CCDC60: variants seen among roughly 807,000 people sequenced by gnomAD.
The protein encoded by CCDC60 is coiled-coil domain containing 60.
A neutral mutation model predicts 63.5 loss-of-function variants in CCDC60; 54 were observed. That is an observed-to-expected ratio of 0.85 (90% CI 0.68 to 1.07). The LOEUF is 1.07. CCDC60 is among the 50% of genes least tolerant of loss of function. The probability of loss-of-function intolerance (pLI) is 0.00; values close to 1 mark genes in which losing one functional copy is unlikely to be tolerated. For synonymous variants in CCDC60, 206 were observed against 238.8 expected, an observed-to-expected ratio of 0.86 and a Z score of 1.27; for missense variants, 651 against 684.3, an observed-to-expected ratio of 0.95 and a Z score of 0.54.
intron 8 of CCDC60, 37 bp downstream of exon 8, chr12:119,516,744 G>A (rs1180771663): frequency 3.6e-6 from 5 of 1,399,500 alleles, no homozygotes; most frequent in Non-Finnish European, 5.1e-6. Context: ...ATAAAGCTTA[G>A]AATAATAGCA....
At chr12:119,363,635 C>T (rs1356062511) in intron 1 of CCDC60, among the ~76,000 whole-genome samples, 1 of 152,142 alleles carries the variant, frequency 6.6e-6, no homozygotes, top group Non-Finnish European at 1.5e-5. Flanking sequence ...GGCATTCATA[C>T]ATTTGCTCCA....
chr12:119,398,043 C>CGGGG (rs1168299376), intron 1 of CCDC60, among the ~76,000 whole-genome samples: 5 of 26,716 alleles, frequency 1.9e-4, no homozygotes, highest in South Asian at 2.4e-3. Flanking sequence ...GAAGGGGCAG[C>CGGGG]GGGGGGGGAG....
At chr12:119,433,591 C>G in intron 2 of CCDC60, 1 of 702,388 alleles carries the variant, frequency 1.4e-6, no homozygotes, top group Non-Finnish European at 2.6e-6. Context: ...CACAAACTCC[C>G]TGACCCCATA....
intron 1 of CCDC60, among the ~76,000 whole-genome samples, chr12:119,350,374 A>AT: frequency 6.6e-6 from 1 of 151,716 alleles, no homozygotes; most frequent in African/African-American, 2.4e-5. Flanking sequence ...ATTTTTTTGT[A>AT]TTTTTAGTAG....
chr12:119,470,573 C>G (rs1236359529), intron 2 of CCDC60, among the ~76,000 whole-genome samples: 10 of 152,220 alleles, frequency 6.6e-5, no homozygotes, highest in Non-Finnish European at 8.8e-5. Flanking sequence ...AACACCTTAG[C>G]TCGTCTTAGC....
intron 1 of CCDC60, among the ~76,000 whole-genome samples, chr12:119,355,543 G>A (rs1473092891): frequency 3.3e-5 from 5 of 152,210 alleles, no homozygotes; most frequent in East Asian, 1.9e-4. Flanking sequence ...CAGGGCAGAC[G>A]AGCCTCAAAA....
chr12:119,418,935 G>A (rs1271312186), intron 1 of CCDC60, among the ~76,000 whole-genome samples: 2 of 152,222 alleles, frequency 1.3e-5, no homozygotes, highest in Non-Finnish European at 2.9e-5. Context: ...GAAAGAACTT[G>A]CCAGCAGGCG....
intron 2 of CCDC60, among the ~76,000 whole-genome samples, chr12:119,437,996 C>T (rs1950360460): frequency 6.6e-6 from 1 of 152,158 alleles, no homozygotes; most frequent in Admixed American, 6.5e-5. Flanking sequence ...GTTCTTAGCC[C>T]AGAACTGGTA....
intron 1 of CCDC60, among the ~76,000 whole-genome samples, chr12:119,390,425 T>TCC (rs1956136332): frequency 1.3e-5 from 2 of 152,220 alleles, no homozygotes; most frequent in African/African-American, 4.8e-5. Context: ...CACCATTCTA[T>TCC]ACATCACATC....
intron 1 of CCDC60, among the ~76,000 whole-genome samples, chr12:119,399,028 T>C (rs1358823000): frequency 6.6e-6 from 1 of 152,130 alleles, no homozygotes; most frequent in Non-Finnish European, 1.5e-5. Flanking sequence ...AGTCACACAG[T>C]GATGACAGTG....
In CCDC60 at chr12:119,491,048, C is replaced by A. The variant is rs980436974; in HGVS notation, c.557+2182C>A. On this transcript the variant is annotated intron_variant, in intron 5 of 13. Coordinates refer to ENST00000327554, the MANE Select transcript of CCDC60 (RefSeq NM_178499.5). ...TCCTTCCAAATCTTTCTAATGCCTT[C>A]CTTTTATAAACATAAACAGTCACAT... Among the ~76,000 whole-genome samples the A allele has an allele frequency of 2.6e-5, 4 of 152,206 alleles. No individual in the cohort carries two copies. In the East Asian group the frequency reaches 7.7e-4, roughly 29 times the overall value.
intron 1 of CCDC60, among the ~76,000 whole-genome samples, chr12:119,336,931 C>T (rs1373020236): frequency 6.6e-6 from 1 of 152,220 alleles, no homozygotes; most frequent in Non-Finnish European, 1.5e-5. Flanking sequence ...TCAAACCCCA[C>T]TTTGCATGGA....
rs190889351 is a variant in CCDC60 at position 119,473,506 on chromosome 12, T to C, written c.341+1342T>C. 7.6e-4 allele frequency among the ~76,000 whole-genome samples: 116 copies of C among 152,288 alleles called. 1 individual carries two copies. The highest frequency in any genetic ancestry group is 1.1e-3 in the Non-Finnish European group (78 of 68,022). The stretch of plus-strand genomic sequence containing the variant: ...GGGGAACAGGTGGTGTTTGGTTACA[T>C]GAATAAGTTCTCCAGTGGTGATTTC... On this transcript the variant is annotated intron_variant, in intron 3 of 13. Coordinates refer to ENST00000327554, the MANE Select transcript of CCDC60 (RefSeq NM_178499.5).
chr12:119,401,528 C>T (rs979834731), intron 1 of CCDC60, among the ~76,000 whole-genome samples: 3 of 152,188 alleles, frequency 2.0e-5, no homozygotes, highest in Admixed American at 6.5e-5. Flanking sequence ...TCTCTTTCTA[C>T]GTTCAAGACA....
chr12:119,355,301 A>T (rs1955705122), intron 1 of CCDC60, among the ~76,000 whole-genome samples: 1 of 152,082 alleles, frequency 6.6e-6, no homozygotes, highest in Non-Finnish European at 1.5e-5. Context: ...GCTCATTAAA[A>T]CCAGACAGAT....
At chr12:119,445,972 G>GCCAAA (rs1236303252) in intron 2 of CCDC60, among the ~76,000 whole-genome samples, 2 of 152,134 alleles carry the variant, frequency 1.3e-5, no homozygotes, top group East Asian at 3.9e-4. Flanking sequence ...ATGGTGCAGT[G>GCCAAA]TATACTGCTT....
At chr12:119,381,921 G>T (rs904084556) in intron 1 of CCDC60, among the ~76,000 whole-genome samples, 1 of 152,314 alleles carries the variant, frequency 6.6e-6, no homozygotes, top group African/African-American at 2.4e-5. Context: ...GAAAATTCTT[G>T]TTTTCTAAAG....
chr12:119,426,404 G>A (rs989636505), intron 1 of CCDC60, among the ~76,000 whole-genome samples: 1 of 151,800 alleles, frequency 6.6e-6, no homozygotes, highest in African/African-American at 2.4e-5. Flanking sequence ...TCACCAGGCT[G>A]CACTGCAGTG....
At chr12:119,399,896 A>G (rs536052814) in intron 1 of CCDC60, among the ~76,000 whole-genome samples, 9 of 152,352 alleles carry the variant, frequency 5.9e-5, no homozygotes, top group African/African-American at 1.9e-4. Context: ...AAAACTTGCT[A>G]CATGCCTAAT....
Sources: allele counts gnomAD v4.1 joint callset (sites outside exome capture counted in the v4.1 genomes callset), GRCh38; gene constraint gnomAD v4.1.1; transcripts MANE v1.5; gene names NCBI Gene and HGNC (gene_info 2026-07-23, HGNC 2026-07-21).